Variants in BAZ1B observed in about 807,000 individuals in gnomAD.
BAZ1B encodes the protein tyrosine-protein kinase BAZ1B.
BAZ1B carries 22 observed loss-of-function variants against 153.8 expected under a neutral mutation model. The ratio of observed to expected loss-of-function variants is 0.14; its 90% CI spans 0.10 to 0.20. The LOEUF is 0.20. BAZ1B is among the 10% of genes least tolerant of loss of function. The pLI is 1.00. For missense variants in BAZ1B, 1,325 were observed against 1,799.3 expected, an observed-to-expected ratio of 0.74 and a Z score of 4.77; for synonymous variants, 676 against 633.4, an observed-to-expected ratio of 1.07 and a Z score of -1.01.
At chr7:73,512,421 A>G (rs1433067984) in intron 1 of BAZ1B, among the ~76,000 whole-genome samples, 1 of 152,150 alleles carries the variant, frequency 6.6e-6, no homozygotes, top group Non-Finnish European at 1.5e-5. Flanking sequence ...AATAAATTTC[A>G]TAAAATACTT....
At position 73,460,350 on chromosome 7, in the gene BAZ1B, C is replaced by T. The variant is rs140889467; in HGVS notation, c.3250-632G>A. 1.5e-3 allele frequency among the ~76,000 whole-genome samples: 227 copies of T among 152,076 alleles called. 2 individuals are homozygous for T. The highest frequency in any genetic ancestry group is 5.3e-3 in the African/African-American group (221 of 41,490). On this transcript the variant is annotated intron_variant, in intron 12 of 19. Transcript: ENST00000339594. ...TACTATGTGTAAAATACAATTTTAACGCAAAGACACACTAAGAAAGTAAAA... is the reference window on the plus strand; with the variant it reads ...TACTATGTGTAAAATACAATTTTAATGCAAAGACACACTAAGAAAGTAAAA...
In BAZ1B at chr7:73,489,404, GA is replaced by G. The variant is rs782057216; in HGVS notation, c.694-14del. 1.6e-4 allele frequency: 256 copies of G among 1,613,688 alleles called. No homozygotes were observed. Among genetic ancestry groups the G allele is most frequent in the Non-Finnish European group, 3.3e-5 (39 of 1,179,870 alleles). On this transcript the variant is annotated splice_polypyrimidine_tract_variant and intron_variant, in intron 5 of 19. Coordinates refer to ENST00000339594, the MANE Select transcript of BAZ1B (RefSeq NM_032408.4). ...CGTTACTGATGATCTAGGTTAAAAA[GA>G]AACAAATAACTCACCACTGGGGTAA...
chr7:73,444,204 G>GGAT, intron 16 of BAZ1B, 75 bp from the exon 17 acceptor site: 1 of 1,450,656 alleles, frequency 6.9e-7, no homozygotes, highest in South Asian at 1.4e-5. Flanking sequence ...TGGGGGAAAG[G>GGAT]GATGCAGGGA....
chr7:73,462,618 A>G (rs1554570553), intron 12 of BAZ1B: 1 of 337,456 alleles, frequency 3.0e-6, no homozygotes, highest in African/African-American at 2.2e-5. Flanking sequence ...ATCGCAAGGT[A>G]AAGATGTTAA....
chr7:73,446,581 G>T (rs1787845137), intron 16 of BAZ1B, among the ~76,000 whole-genome samples: 1 of 150,272 alleles, frequency 6.7e-6, no homozygotes. Context: ...GTGTATTTTG[G>T]AAAGAGGGAG....
intron 8 of BAZ1B, 41 bp from the exon 9 acceptor site, chr7:73,469,691 C>T (rs782304598): frequency 6.2e-7 from 1 of 1,605,436 alleles, no homozygotes; most frequent in African/African-American, 1.3e-5. Context: ...GTGAATAGAT[C>T]AGGATTGCAG....
intron 9 of BAZ1B, among the ~76,000 whole-genome samples, chr7:73,467,614 G>A (rs879951264): frequency 1.3e-4 from 20 of 151,984 alleles, no homozygotes; most frequent in Non-Finnish European, 2.9e-4. Flanking sequence ...CAAGTGATCC[G>A]CCTGCCTCAG....
In BAZ1B at chr7:73,462,904, A is replaced by G. The variant is rs782357844; in HGVS notation, c.3249+18T>C. Reference sequence around the variant, plus strand: ...AGTTGCCATGAGTAATCTAAGGGGGATTTTCTTATATTCCTACCCGGGCTT... The same window carrying G: ...AGTTGCCATGAGTAATCTAAGGGGGGTTTTCTTATATTCCTACCCGGGCTT... On this transcript the variant is annotated intron_variant, in intron 12 of 19. Coordinates refer to ENST00000339594, the MANE Select transcript of BAZ1B (RefSeq NM_032408.4). 41 of 1,612,556 alleles carry G rather than the reference A, an allele frequency of 2.5e-5. No individual in the cohort carries two copies. Among genetic ancestry groups the G allele is most frequent in the Non-Finnish European group, 3.3e-5 (39 of 1,178,946 alleles).
intron 15 of BAZ1B, among the ~76,000 whole-genome samples, chr7:73,448,063 G>A (rs1314518204): frequency 4.6e-5 from 7 of 152,226 alleles, no homozygotes; most frequent in Admixed American, 4.6e-4. Flanking sequence ...CCAGCACTTT[G>A]GGAGGCTGAG....
chr7:73,466,722 T>C (rs1788601602), intron 9 of BAZ1B, among the ~76,000 whole-genome samples: 1 of 152,210 alleles, frequency 6.6e-6, no homozygotes, highest in Non-Finnish European at 1.5e-5. Flanking sequence ...TTACATGATG[T>C]TAAGAGCAAA....
chr7:73,510,310 TC>T (rs1790528027), intron 2 of BAZ1B, among the ~76,000 whole-genome samples: 1 of 149,776 alleles, frequency 6.7e-6, no homozygotes. Context: ...GCACCTGTAG[TC>T]CCAGCTACTT....
rs554505473 is a variant in BAZ1B at position 73,482,753 on chromosome 7, T to G, written c.892-4184A>C. Among the ~76,000 whole-genome samples, 5 of 152,272 alleles carry G rather than the reference T, an allele frequency of 3.3e-5. No homozygotes were observed. In the South Asian group the frequency reaches 1.0e-3, roughly 32 times the overall value. The stretch of plus-strand genomic sequence containing the variant: ...TTAGCCATGAGGGTCTAGCAACCCA[T>G]TTTTATTCGTAAGGTGTGTTTTTGT... On this transcript the variant is annotated intron_variant, in intron 6 of 19. Transcript: ENST00000339594.
chr7:73,442,579 T>G, intron 18 of BAZ1B, 26 bp from the exon 19 acceptor site: 9 of 1,595,264 alleles, frequency 5.6e-6, no homozygotes, highest in Non-Finnish European at 7.7e-6. Context: ...AAATGGAGAA[T>G]CTGCACAGCC....
chr7:73,486,291 G>A (rs1487021386), intron 6 of BAZ1B, among the ~76,000 whole-genome samples: 2 of 152,016 alleles, frequency 1.3e-5, no homozygotes, highest in East Asian at 1.9e-4. Flanking sequence ...TCTCTCCCAC[G>A]TAAGCCCTCA....
intron 13 of BAZ1B, among the ~76,000 whole-genome samples, chr7:73,453,580 G>A (rs1225415172): frequency 6.6e-6 from 1 of 152,232 alleles, no homozygotes; most frequent in Non-Finnish European, 1.5e-5. Context: ...CTATGTAGTA[G>A]TAAGACTAAA....
At chr7:73,472,566 T>TA (rs1353412498) in intron 7 of BAZ1B, among the ~76,000 whole-genome samples, 1 of 152,156 alleles carries the variant, frequency 6.6e-6, no homozygotes, top group South Asian at 2.1e-4. Context: ...GCCGCAGTTA[T>TA]ACTTTCTTGA....
intron 13 of BAZ1B, among the ~76,000 whole-genome samples, chr7:73,458,803 A>G (rs527519298): frequency 6.6e-6 from 1 of 152,070 alleles, no homozygotes; most frequent in Admixed American, 6.6e-5. Context: ...CCAAGGTGGG[A>G]GGATAGCTTG....
rs1331677289 is a variant in BAZ1B at position 73,450,789 on chromosome 7, G to A, written c.3580+58C>T. 11 of 1,578,290 alleles carry A rather than the reference G, an allele frequency of 7.0e-6. No homozygotes were observed. In the East Asian group the frequency reaches 1.3e-4, roughly 19 times the overall value. On this transcript the variant is annotated intron_variant, in intron 14 of 19. Coordinates refer to ENST00000339594, the MANE Select transcript of BAZ1B (RefSeq NM_032408.4). This position sits in a 1 kb window ranked among gnomAD's most constrained non-coding sequence, Gnocchi z 4.1. ...TCTTTTGGGTAGAAATGAAGATCTT[G>A]GGAATAGAAATCCTACTCCCTAATA...
chr7:73,520,210 CAAAAAAA>C (rs1158487602), intron 1 of BAZ1B, among the ~76,000 whole-genome samples: 22 of 57,404 alleles, frequency 3.8e-4, no homozygotes, highest in African/African-American at 9.9e-4. Flanking sequence ...AACTCCGTCT[CAAAAAAA>C]AAAAAAAAAA....
Sources: allele counts gnomAD v4.1 joint callset (sites outside exome capture counted in the v4.1 genomes callset), GRCh38; gene constraint gnomAD v4.1.1; non-coding constraint Gnocchi (gnomAD v3.1); transcripts MANE v1.5; gene names NCBI Gene and HGNC (gene_info 2026-07-23, HGNC 2026-07-21).